The following SLC9A9 variants were observed in gnomAD, a reference collection of about 807,000 sequenced individuals.
SLC9A9 encodes the protein solute carrier family 9 member A9.
In SLC9A9, 62 loss-of-function variants were observed where a neutral mutation model predicts 77.8. The ratio of observed to expected loss-of-function variants is 0.80; its 90% CI spans 0.65 to 0.98. The LOEUF (loss-of-function observed/expected upper bound fraction) is 0.98, where lower values mean the gene tolerates loss of function less well. SLC9A9 is among the 50% of genes least tolerant of loss of function. SLC9A9 has a pLI of 0.00. For synonymous variants in SLC9A9, 320 were observed against 283.5 expected (o/e 1.13, Z -1.29); for missense variants, 775 against 774.9 (o/e 1.00, Z 0.00).
chr3:143,630,560 A>C (rs1312583334), intron 6 of SLC9A9, among the ~76,000 whole-genome samples: 1 of 152,184 alleles, frequency 6.6e-6, no homozygotes, highest in African/African-American at 2.4e-5. Context: ...TTTTTCAGAT[A>C]AGATCAATTT....
chr3:143,731,356 T>C (rs1256034248), intron 4 of SLC9A9, among the ~76,000 whole-genome samples: 2 of 152,150 alleles, frequency 1.3e-5, no homozygotes, highest in Non-Finnish European at 2.9e-5. Context: ...CACACCTAAC[T>C]AAGGTTGAGT....
chr3:143,407,017 C>T (rs962141908), intron 12 of SLC9A9, among the ~76,000 whole-genome samples: 6 of 148,860 alleles, frequency 4.0e-5, no homozygotes, highest in Admixed American at 6.7e-5. Flanking sequence ...AGAAAAAATA[C>T]CAAATTAATA....
chr3:143,836,679 C>A (rs774169180), intron 1 of SLC9A9, among the ~76,000 whole-genome samples: 12 of 152,228 alleles, frequency 7.9e-5, no homozygotes, highest in Non-Finnish European at 1.8e-4. Context: ...GAAAGATGAG[C>A]CTTACCTTCC....
chr3:143,769,072 A>C (rs758639217), intron 4 of SLC9A9, among the ~76,000 whole-genome samples: 21 of 152,198 alleles, frequency 1.4e-4, no homozygotes, highest in Non-Finnish European at 4.4e-5. Context: ...AGAAGAAACA[A>C]CATGATAGCA....
chr3:143,721,997 G>GA (rs112194682), intron 4 of SLC9A9, among the ~76,000 whole-genome samples: 1,754 of 152,212 alleles, frequency 0.012, 39 homozygotes, highest in African/African-American at 0.039. Context: ...TGGCTTTCAA[G>GA]AAAAAATTTT....
chr3:143,546,882 A>G (rs1287628118), intron 9 of SLC9A9, among the ~76,000 whole-genome samples: 3 of 152,068 alleles, frequency 2.0e-5, no homozygotes. Context: ...CTTCAGCAAA[A>G]CTCCGTTGAA....
At chr3:143,812,948 A>G (rs1234694792) in intron 2 of SLC9A9, among the ~76,000 whole-genome samples, 6 of 152,144 alleles carry the variant, frequency 3.9e-5, no homozygotes, top group African/African-American at 1.4e-4. Flanking sequence ...TTTGTGTTGT[A>G]TTTTTTTAAA....
Position 143,747,180 on chromosome 3 carries a change from C to T in SLC9A9, c.533+47821G>A, listed in dbSNP as rs538978751. Among the ~76,000 whole-genome samples, 21 of 151,950 alleles carry T rather than the reference C, an allele frequency of 1.4e-4. No homozygotes were observed. The East Asian group carries it at 2.5e-3, about 18-fold the overall frequency. ...CAGCACTTTGGGAGGCTGAGGTGGG[C>T]GGATCATGAGGTCAGGAGTTTGAGA... On this transcript the variant is annotated intron_variant, in intron 4 of 15. Transcript: ENST00000316549.
intron 12 of SLC9A9, among the ~76,000 whole-genome samples, chr3:143,399,622 C>A (rs1299517032): frequency 6.6e-6 from 1 of 152,106 alleles, no homozygotes; most frequent in East Asian, 1.9e-4. Flanking sequence ...ACGGAAAGTG[C>A]ACAGCATGGA....
intron 1 of SLC9A9, among the ~76,000 whole-genome samples, chr3:143,846,870 C>T (rs957663286): frequency 2.0e-5 from 3 of 151,950 alleles, no homozygotes; most frequent in South Asian, 4.2e-4. Flanking sequence ...CCCATTAACT[C>T]GTCATTTAAC....
chr3:143,627,132 A>T (rs1305568818), intron 6 of SLC9A9: 1 of 152,264 alleles, frequency 6.6e-6, no homozygotes, highest in Admixed American at 6.6e-5. Flanking sequence ...CGGCCTCCCA[A>T]AGTGCTAGGA....
At chr3:143,766,574 T>C (rs1576712007) in intron 4 of SLC9A9, among the ~76,000 whole-genome samples, 1 of 150,062 alleles carries the variant, frequency 6.7e-6, no homozygotes, top group Non-Finnish European at 1.5e-5. Context: ...GCTGGAAAAG[T>C]TTTTTTTGTT....
At chr3:143,541,715 T>G (rs1162822919) in intron 9 of SLC9A9, among the ~76,000 whole-genome samples, 1 of 152,188 alleles carries the variant, frequency 6.6e-6, no homozygotes, top group Non-Finnish European at 1.5e-5. Context: ...GGTTTCAGTT[T>G]CCTCCAATAA....
chr3:143,522,293 G>A (rs1278085515), intron 9 of SLC9A9, among the ~76,000 whole-genome samples: 1 of 152,120 alleles, frequency 6.6e-6, no homozygotes, highest in Non-Finnish European at 1.5e-5. Flanking sequence ...GACTTGAAAA[G>A]AGTTTAAAAC....
intron 14 of SLC9A9, among the ~76,000 whole-genome samples, chr3:143,362,690 G>T (rs1444370992): frequency 2.0e-5 from 3 of 152,134 alleles, no homozygotes; most frequent in Admixed American, 6.6e-5. Context: ...AGGGATTTGT[G>T]ACTGGAAAAC....
intron 12 of SLC9A9, among the ~76,000 whole-genome samples, chr3:143,423,080 G>A (rs1433400518): frequency 2.0e-5 from 3 of 152,082 alleles, no homozygotes; most frequent in Admixed American, 6.6e-5. Flanking sequence ...AGAGAAGGGA[G>A]TTAAAAATAT....
At chr3:143,342,632 A>G (rs748126572) in intron 14 of SLC9A9, among the ~76,000 whole-genome samples, 13 of 152,226 alleles carry the variant, frequency 8.5e-5, no homozygotes, top group Non-Finnish European at 1.6e-4. Context: ...TCCAATAGCC[A>G]GATTTGTCAA....
At chr3:143,327,991 T>C (rs1380826906) in intron 14 of SLC9A9, among the ~76,000 whole-genome samples, 1 of 152,254 alleles carries the variant, frequency 6.6e-6, no homozygotes, top group Non-Finnish European at 1.5e-5. Flanking sequence ...CATTTTTCTA[T>C]ATGGACATTT....
intron 8 of SLC9A9, among the ~76,000 whole-genome samples, chr3:143,560,317 G>A (rs2037059365): frequency 6.6e-6 from 1 of 152,172 alleles, no homozygotes; most frequent in African/African-American, 2.4e-5. Context: ...CTTGCTAAGA[G>A]TTGGCTCTGA....
Sources: allele counts gnomAD v4.1 joint callset (sites outside exome capture counted in the v4.1 genomes callset), GRCh38; gene constraint gnomAD v4.1.1; transcripts MANE v1.5; gene names NCBI Gene and HGNC (gene_info 2026-07-23, HGNC 2026-07-21).